The following PIP5K1B variants were observed in gnomAD, a reference collection of about 807,000 sequenced individuals.
PIP5K1B encodes phosphatidylinositol-4-phosphate 5-kinase type 1 beta, also known as phosphatidylinositol 4-phosphate 5-kinase type-1 beta.
In PIP5K1B, 42 loss-of-function variants were observed where a neutral mutation model predicts 67.0. That is an observed-to-expected ratio of 0.63 (90% confidence interval 0.49 to 0.81). PIP5K1B has a LOEUF of 0.81. PIP5K1B is among the 30% of genes least tolerant of loss of function. The pLI is 0.00. For synonymous variants in PIP5K1B, 214 were observed against 231.4 expected (o/e 0.92, Z 0.68); for missense variants, 459 against 646.3 (o/e 0.71, Z 3.14).
intron 1 of PIP5K1B, among the ~76,000 whole-genome samples, chr9:68,718,707 A>T (rs1827743326): frequency 6.6e-6 from 1 of 152,250 alleles, no homozygotes; most frequent in South Asian, 2.1e-4. Flanking sequence ...TATACAGAAC[A>T]GAGTGTGTCT....
At position 68,822,635 on chromosome 9, in the gene PIP5K1B, T is replaced by C; in HGVS notation, c.21T>C (p.Asn7=). ...TGTAGATGTCTTCTGCTGCTGAAAA[T>C]GGAGAGGCAGCACCTGGAAAACAAA... The part of the protein sequence containing the change: MSSAAE[N]GEAAPGKQNE... Residue 7 remains asparagine, a synonymous_variant, in exon 4 of 16, where the codon AAT becomes AAC. Transcript: ENST00000265382. 1.9e-6 allele frequency: 3 copies of C among 1,613,196 alleles called. No individual in the cohort carries two copies. The highest frequency in any genetic ancestry group is 2.5e-6 in the Non-Finnish European group (3 of 1,179,476).
chr9:68,803,918 A>G (rs1832731645), intron 2 of PIP5K1B, among the ~76,000 whole-genome samples: 1 of 152,200 alleles, frequency 6.6e-6, no homozygotes, highest in African/African-American at 2.4e-5. Context: ...TGTGCAAGGT[A>G]TTCAGTGTCC....
chr9:68,949,284 G>A (rs930868262), intron 14 of PIP5K1B, among the ~76,000 whole-genome samples: 1 of 152,160 alleles, frequency 6.6e-6, no homozygotes, highest in South Asian at 2.1e-4. Flanking sequence ...CTAGAGAAAT[G>A]CTTCTCAGTG....
intron 4 of PIP5K1B, among the ~76,000 whole-genome samples, chr9:68,841,428 T>A (rs1333357965): frequency 6.6e-6 from 1 of 152,212 alleles, no homozygotes; most frequent in Non-Finnish European, 1.5e-5. Context: ...ATGAAGCATG[T>A]CCAGAAGAAG....
At chr9:68,985,689 C>T (rs1830068276) in intron 14 of PIP5K1B, among the ~76,000 whole-genome samples, 1 of 152,242 alleles carries the variant, frequency 6.6e-6, no homozygotes, top group Admixed American at 6.5e-5. Flanking sequence ...TGCCCTGGGA[C>T]ATTGCAGATG....
At chr9:68,889,722 G>A (rs990924511) in intron 7 of PIP5K1B, among the ~76,000 whole-genome samples, 2 of 135,018 alleles carry the variant, frequency 1.5e-5, no homozygotes, top group East Asian at 2.2e-4. Context: ...GCGACAGAGC[G>A]AGACTCCTTC....
intron 2 of PIP5K1B, among the ~76,000 whole-genome samples, chr9:68,787,740 C>A (rs1178277215): frequency 6.6e-6 from 1 of 152,136 alleles, no homozygotes; most frequent in Non-Finnish European, 1.5e-5. Flanking sequence ...TCAAGTGATA[C>A]TCCTGCTTCA....
chr9:68,793,082 T>TGTGTATGTGTATAAACATATA (rs1832074830), intron 2 of PIP5K1B, among the ~76,000 whole-genome samples: 1 of 144,042 alleles, frequency 6.9e-6, no homozygotes, highest in Non-Finnish European at 1.5e-5. Context: ...AGTGTGTATG[T>TGTGTATGTGTATAAACATATA]GTGTATGTGT....
intron 6 of PIP5K1B, among the ~76,000 whole-genome samples, chr9:68,877,198 C>G (rs952579422): frequency 2.6e-5 from 4 of 152,218 alleles, no homozygotes; most frequent in Non-Finnish European, 5.9e-5. Flanking sequence ...CCTTGACCTA[C>G]AAATTTGAGT....
intron 3 of PIP5K1B, among the ~76,000 whole-genome samples, chr9:68,819,010 C>T (rs1051130241): frequency 2.6e-5 from 4 of 152,086 alleles, no homozygotes; most frequent in Non-Finnish European, 4.4e-5. Context: ...TTTTTAGAGA[C>T]GATGTCTCGC....
At chr9:68,827,529 T>C (rs767986965) in intron 4 of PIP5K1B, among the ~76,000 whole-genome samples, 1 of 152,182 alleles carries the variant, frequency 6.6e-6, no homozygotes, top group African/African-American at 2.4e-5. Context: ...GGTGATGTAC[T>C]GTAACATTGT....
At chr9:68,778,920 C>G (rs1831065899) in intron 2 of PIP5K1B, among the ~76,000 whole-genome samples, 1 of 152,134 alleles carries the variant, frequency 6.6e-6, no homozygotes, top group African/African-American at 2.4e-5. Flanking sequence ...CCCAGATGTC[C>G]ACGTGACTTA....
At chr9:68,785,163 G>T (rs544208266) in intron 2 of PIP5K1B, among the ~76,000 whole-genome samples, 1 of 152,212 alleles carries the variant, frequency 6.6e-6, no homozygotes, top group Non-Finnish European at 1.5e-5. Context: ...TGGGTACTAG[G>T]TAAAGCCCAG....
At chr9:68,775,232 A>G (rs947092979) in intron 2 of PIP5K1B, among the ~76,000 whole-genome samples, 1 of 152,224 alleles carries the variant, frequency 6.6e-6, no homozygotes, top group Admixed American at 6.5e-5. Context: ...AACTTCTGCA[A>G]TTTGAGGTGC....
intron 2 of PIP5K1B, among the ~76,000 whole-genome samples, chr9:68,809,219 T>C (rs1833030725): frequency 6.6e-6 from 1 of 152,238 alleles, no homozygotes; most frequent in African/African-American, 2.4e-5. Flanking sequence ...GTGTTTTTTT[T>C]GTTGTTTAAG....
chr9:68,972,090 G>T (rs1587741389), intron 14 of PIP5K1B, among the ~76,000 whole-genome samples: 1 of 152,224 alleles, frequency 6.6e-6, no homozygotes, highest in Non-Finnish European at 1.5e-5. Context: ...GTAATGCCTA[G>T]GTTTTCTTCT....
intron 2 of PIP5K1B, among the ~76,000 whole-genome samples, chr9:68,806,812 T>C (rs1832893878): frequency 6.6e-6 from 1 of 152,180 alleles, no homozygotes; most frequent in Non-Finnish European, 1.5e-5. Context: ...TCTAGGGAAA[T>C]TGTTGGTTTG....
chr9:68,827,947 C>G (rs1834073561), intron 4 of PIP5K1B, among the ~76,000 whole-genome samples: 1 of 152,058 alleles, frequency 6.6e-6, no homozygotes, highest in African/African-American at 2.4e-5. Flanking sequence ...AAGAAATGAC[C>G]CAGCCCCACC....
chr9:68,992,776 G>T (rs1411553934), intron 15 of PIP5K1B, among the ~76,000 whole-genome samples: 1 of 140,566 alleles, frequency 7.1e-6, no homozygotes. Flanking sequence ...GGAGGCGGAG[G>T]TTGCAATGAG....
Sources: allele counts gnomAD v4.1 joint callset (sites outside exome capture counted in the v4.1 genomes callset), GRCh38; gene constraint gnomAD v4.1.1; transcripts MANE v1.5; gene names NCBI Gene and HGNC (gene_info 2026-07-23, HGNC 2026-07-21).